RBFOX1: variants seen among roughly 807,000 people sequenced by gnomAD.
The protein encoded by RBFOX1 is RNA binding protein fox-1 homolog 1.
In RBFOX1, 8 loss-of-function variants were observed where a neutral mutation model predicts 57.7. The ratio of observed to expected loss-of-function variants is 0.14; its 90% confidence interval spans 0.08 to 0.25. RBFOX1 has a LOEUF of 0.25. Among genes scored for constraint, RBFOX1 ranks in the 10% least tolerant of loss-of-function variants. The pLI, the probability that RBFOX1 is intolerant of heterozygous loss-of-function variation, is 1.00. For missense variants in RBFOX1, 611 were observed against 548.5 expected, an observed-to-expected ratio of 1.11 and a Z score of -1.14; for synonymous variants, 326 against 222.4, an observed-to-expected ratio of 1.47 and a Z score of -4.15.
intron 2 of RBFOX1, among the ~76,000 whole-genome samples, chr16:6,568,829 C>T (rs916488370): frequency 6.6e-5 from 10 of 152,032 alleles, no homozygotes; most frequent in Admixed American, 1.3e-4. Context: ...AGTGCAGTGG[C>T]GCGATCTCGG....
At chr16:7,099,964 A>T (rs990120940) in intron 4 of RBFOX1, among the ~76,000 whole-genome samples, 2 of 151,968 alleles carry the variant, frequency 1.3e-5, no homozygotes, top group African/African-American at 2.4e-5. Context: ...ATAATGAGGC[A>T]TGTTCACCCC....
chr16:7,363,930 C>T (rs1024333021), intron 4 of RBFOX1, among the ~76,000 whole-genome samples: 7 of 152,008 alleles, frequency 4.6e-5, no homozygotes, highest in African/African-American at 1.7e-4. Flanking sequence ...TGGGAAGAGG[C>T]ATATGGCCTT....
intron 9 of RBFOX1, among the ~76,000 whole-genome samples, chr16:7,604,964 A>AT: frequency 6.6e-6 from 1 of 152,334 alleles, no homozygotes; most frequent in African/African-American, 2.4e-5. Flanking sequence ...CAGTGGAAAG[A>AT]TGAAGAGTGA....
At chr16:6,229,217 A>G (rs956888554) in intron 1 of RBFOX1, among the ~76,000 whole-genome samples, 2 of 152,120 alleles carry the variant, frequency 1.3e-5, no homozygotes, top group African/African-American at 4.8e-5. Context: ...AGCTCACAGG[A>G]TTGCTTTAGC....
intron 2 of RBFOX1, among the ~76,000 whole-genome samples, chr16:5,480,182 GC>G (rs1259225456): frequency 6.6e-6 from 1 of 152,158 alleles, no homozygotes; most frequent in Non-Finnish European, 1.5e-5. Flanking sequence ...ATCCGGAGAT[GC>G]ATAAAAGAAA....
At chr16:6,716,634 T>A (rs1239992818) in intron 3 of RBFOX1, among the ~76,000 whole-genome samples, 1 of 152,192 alleles carries the variant, frequency 6.6e-6, no homozygotes, top group Non-Finnish European at 1.5e-5. Context: ...AACACTCCCC[T>A]TGGACCCCAG....
At chr16:7,447,586 T>C (rs2098818951) in intron 4 of RBFOX1, among the ~76,000 whole-genome samples, 1 of 152,152 alleles carries the variant, frequency 6.6e-6, no homozygotes, top group Non-Finnish European at 1.5e-5. Context: ...CTGTTCCCAG[T>C]TGAAACTTTG....
At chr16:5,350,150 A>G (rs944373569) in intron 1 of RBFOX1, among the ~76,000 whole-genome samples, 1 of 152,116 alleles carries the variant, frequency 6.6e-6, no homozygotes, top group African/African-American at 2.4e-5. Flanking sequence ...CATGTGCATA[A>G]TGTATGTGCT....
At chr16:5,710,873 A>C (rs2051462091) in intron 3 of RBFOX1, among the ~76,000 whole-genome samples, 1 of 152,198 alleles carries the variant, frequency 6.6e-6, no homozygotes, top group African/African-American at 2.4e-5. Flanking sequence ...CCAGAAAGGG[A>C]TGACGGGTCC....
At chr16:7,274,219 T>G (rs2095396257) in intron 4 of RBFOX1, among the ~76,000 whole-genome samples, 1 of 152,254 alleles carries the variant, frequency 6.6e-6, no homozygotes, top group South Asian at 2.1e-4. Flanking sequence ...AGCTAATGTT[T>G]ATTGAGTGCT....
chr16:6,871,070 G>C (rs1364631848), intron 3 of RBFOX1, among the ~76,000 whole-genome samples: 1 of 152,226 alleles, frequency 6.6e-6, no homozygotes, highest in African/African-American at 2.4e-5. Context: ...AGAGTCTTAG[G>C]AATGGACAAG....
intron 1 of RBFOX1, among the ~76,000 whole-genome samples, chr16:6,310,555 A>G (rs2080128698): frequency 7.2e-6 from 1 of 139,748 alleles, no homozygotes; most frequent in Admixed American, 7.0e-5. Context: ...TATTATACCC[A>G]TTCTATGGAC....
intron 4 of RBFOX1, among the ~76,000 whole-genome samples, chr16:7,270,792 T>C (rs1358370737): frequency 6.6e-6 from 1 of 152,190 alleles, no homozygotes; most frequent in Non-Finnish European, 1.5e-5. Context: ...AGCTCTCTTC[T>C]TCCTTCCCTA....
At chr16:5,454,964 T>TTTCCTTCC (rs2068576479) in intron 1 of RBFOX1, among the ~76,000 whole-genome samples, 3 of 62,240 alleles carry the variant, frequency 4.8e-5, no homozygotes, top group African/African-American at 1.7e-4. Flanking sequence ...CCTTCCTTTC[T>TTTCCTTCC]TTCTTTCTTT....
At chr16:5,296,062 C>T (rs2063659687) in intron 1 of RBFOX1, among the ~76,000 whole-genome samples, 1 of 107,756 alleles carries the variant, frequency 9.3e-6, no homozygotes, top group Non-Finnish European at 2.3e-5. Context: ...AGGCATCTCC[C>T]TCCATTGCGC....
At chr16:6,876,673 T>C (rs2061906467) in intron 3 of RBFOX1, among the ~76,000 whole-genome samples, 1 of 152,200 alleles carries the variant, frequency 6.6e-6, no homozygotes, top group African/African-American at 2.4e-5. Flanking sequence ...GTTCTATTTC[T>C]TAATCTTGGC....
At chr16:7,344,534 G>T (rs1321933327) in intron 4 of RBFOX1, among the ~76,000 whole-genome samples, 2 of 150,794 alleles carry the variant, frequency 1.3e-5, no homozygotes, top group African/African-American at 4.9e-5. Context: ...ACATATCATT[G>T]TGTAATACTG....
At chr16:5,909,330 C>T (rs945806145) in intron 4 of RBFOX1, among the ~76,000 whole-genome samples, 2 of 152,032 alleles carry the variant, frequency 1.3e-5, no homozygotes, top group African/African-American at 4.8e-5. Flanking sequence ...TGGACCTCAT[C>T]ATCCGCATGC....
At chr16:6,086,256 T>G (rs1205785484) in intron 1 of RBFOX1, among the ~76,000 whole-genome samples, 1 of 152,152 alleles carries the variant, frequency 6.6e-6, no homozygotes, top group Non-Finnish European at 1.5e-5. Context: ...AGTGAGTTGT[T>G]GGAAGGGAAC....
Sources: allele counts gnomAD v4.1 joint callset (sites outside exome capture counted in the v4.1 genomes callset), GRCh38; gene constraint gnomAD v4.1.1; transcripts MANE v1.5; gene names NCBI Gene and HGNC (gene_info 2026-07-23, HGNC 2026-07-21).